The following IPMK variants were observed in gnomAD, a reference collection of about 807,000 sequenced individuals.
IPMK encodes inositol 1,3,4,6-tetrakisphosphate 5-kinase.
A neutral mutation model predicts 45.8 loss-of-function variants in IPMK; 17 were observed. The ratio of observed to expected loss-of-function variants is 0.37; its 90% CI spans 0.25 to 0.56. The LOEUF (loss-of-function observed/expected upper bound fraction) is 0.56, where lower values mean the gene tolerates loss of function less well. Ranked by LOEUF, IPMK falls within the 20% of genes least tolerant of loss-of-function variation. The pLI, the probability that IPMK is intolerant of heterozygous loss-of-function variation, is 0.79. For synonymous variants in IPMK, 180 were observed against 184.3 expected, an observed-to-expected ratio of 0.98 and a Z score of 0.19; for missense variants, 399 against 498.0, an observed-to-expected ratio of 0.80 and a Z score of 1.89.
rs1316309053 is a variant in IPMK, at chr10:58,233,237, G to A, written c.276+4492C>T. On this transcript the variant is annotated intron_variant, in intron 2 of 5. Coordinates refer to ENST00000373935, the MANE Select transcript of IPMK (RefSeq NM_152230.5). The stretch of plus-strand genomic sequence containing the variant: ...ATGGATTCACAGCCGAATTCTACCA[G>A]AAGTACAAAGAGGAGCTGGTACCAT... 3.9e-5 allele frequency among the ~76,000 whole-genome samples: 6 copies of A among 152,216 alleles called. No individual in the cohort carries two copies. The East Asian group carries it at 1.2e-3, about 29-fold the overall frequency.
At chr10:58,223,726 T>C (rs1838371658) in intron 3 of IPMK, among the ~76,000 whole-genome samples, 1 of 152,196 alleles carries the variant, frequency 6.6e-6, no homozygotes, top group Non-Finnish European at 1.5e-5. Flanking sequence ...AATCCCCATG[T>C]GCTGAGGGAG....
At chr10:58,227,587 A>C (rs1838438199) in intron 2 of IPMK, among the ~76,000 whole-genome samples, 1 of 152,180 alleles carries the variant, frequency 6.6e-6, no homozygotes, top group African/African-American at 2.4e-5. Context: ...TTTAACATTT[A>C]TCTGGTTCCC....
chr10:58,218,058 A>G (rs1838275545), intron 3 of IPMK, among the ~76,000 whole-genome samples: 1 of 152,202 alleles, frequency 6.6e-6, no homozygotes, highest in South Asian at 2.1e-4. Flanking sequence ...GACAAGAGAT[A>G]CTTTTTATGC....
At chr10:58,245,466 G>A (rs1459965059) in intron 1 of IPMK, among the ~76,000 whole-genome samples, 1 of 151,344 alleles carries the variant, frequency 6.6e-6, no homozygotes, top group Non-Finnish European at 1.5e-5. Context: ...ACAAAAATTA[G>A]CCAGGGGTGG....
chr10:58,203,596 A>G (rs1303051732), intron 4 of IPMK, among the ~76,000 whole-genome samples: 1 of 152,238 alleles, frequency 6.6e-6, no homozygotes, highest in Admixed American at 6.5e-5. Flanking sequence ...GATTACTGGC[A>G]TAAGCCACTG....
At chr10:58,267,396 G>A in intron 1 of IPMK, 26 bp downstream of exon 1, 6 of 1,610,670 alleles carry the variant, frequency 3.7e-6, no homozygotes, top group Non-Finnish European at 4.2e-6. Context: ...AAGGGGAGCG[G>A]CGAGACCTAT....
Position 58,202,747 on chromosome 10 carries a change from G to T in IPMK, c.547-3426C>A, listed in dbSNP as rs185991849. On this transcript the variant is annotated intron_variant, in intron 4 of 5. Transcript: ENST00000373935. ...ACATCTGTTTATAGCATGGTTTACTGAATATTTTCAGCCCACCATTGAGAA... is the reference window on the plus strand; with the variant it reads ...ACATCTGTTTATAGCATGGTTTACTTAATATTTTCAGCCCACCATTGAGAA... Among the ~76,000 whole-genome samples, 165 of 152,248 alleles carry T rather than the reference G, an allele frequency of 1.1e-3. 1 individual carries two copies. The highest frequency in any genetic ancestry group is 2.1e-3 in the Non-Finnish European group (145 of 68,018).
At chr10:58,263,829 T>A (rs569152831) in intron 1 of IPMK, among the ~76,000 whole-genome samples, 4 of 152,146 alleles carry the variant, frequency 2.6e-5, no homozygotes, top group Non-Finnish European at 5.9e-5. Context: ...CTGAATCCCA[T>A]CGTAAGGAAC....
chr10:58,210,854 G>A (rs1024732241), intron 4 of IPMK, among the ~76,000 whole-genome samples: 1 of 152,144 alleles, frequency 6.6e-6, no homozygotes, highest in Non-Finnish European at 1.5e-5. Flanking sequence ...CTGTGAATTC[G>A]TTTGGTTTTC....
intron 1 of IPMK, among the ~76,000 whole-genome samples, chr10:58,263,687 A>T (rs1167647813): frequency 6.6e-6 from 1 of 152,142 alleles, no homozygotes; most frequent in Non-Finnish European, 1.5e-5. Flanking sequence ...CTGTCTCAAA[A>T]AACAAACAAA....
At chr10:58,196,748 T>C in intron 5 of IPMK, 50 bp from the exon 6 acceptor site, 1 of 1,282,268 alleles carries the variant, frequency 7.8e-7, no homozygotes, top group Non-Finnish European at 1.1e-6. Flanking sequence ...AAATAACTAT[T>C]ATTTGGGAAG....
intron 4 of IPMK, among the ~76,000 whole-genome samples, chr10:58,199,887 T>G (rs2132142768): frequency 6.6e-6 from 1 of 152,200 alleles, no homozygotes; most frequent in African/African-American, 2.4e-5. Context: ...AAAATAAGCT[T>G]TCTAAACACA....
At chr10:58,243,037 A>C (rs1003393167) in intron 1 of IPMK, among the ~76,000 whole-genome samples, 1 of 152,154 alleles carries the variant, frequency 6.6e-6, no homozygotes, top group African/African-American at 2.4e-5. Context: ...CCTCCTCTAC[A>C]GTCTGTGGGA....
chr10:58,221,521 T>C (rs1365579231), intron 3 of IPMK, among the ~76,000 whole-genome samples: 1 of 152,082 alleles, frequency 6.6e-6, no homozygotes, highest in African/African-American at 2.4e-5. Flanking sequence ...CTAAGACTGA[T>C]CCAAAAAAAT....
chr10:58,267,450 G>C lies in IPMK; in HGVS notation c.162C>G (p.Ala54=), dbSNP rs143016236. 3 of 1,613,830 alleles carry C rather than the reference G, an allele frequency of 1.9e-6. No homozygotes were observed. Among genetic ancestry groups the C allele is most frequent in the Non-Finnish European group, 2.5e-6 (3 of 1,179,858 alleles). ...CTTTGTCCTTCCCGTACATGTGCCC[G>C]GCCACCTGATGCGAGAGGGGCACGC... ...NGCVPLSHQV[A]GHMYGKDKVG... Residue 54 remains alanine, a synonymous_variant, in exon 1 of 6, where the codon GCC becomes GCG. Transcript: ENST00000373935.
chr10:58,260,981 T>C (rs1014800951), intron 1 of IPMK, among the ~76,000 whole-genome samples: 3 of 151,832 alleles, frequency 2.0e-5, no homozygotes, highest in African/African-American at 7.3e-5. Flanking sequence ...AAATAGTAAG[T>C]GGGATGCATG....
At chr10:58,256,862 A>C (rs2132177866) in intron 1 of IPMK, among the ~76,000 whole-genome samples, 2 of 152,326 alleles carry the variant, frequency 1.3e-5, no homozygotes, top group East Asian at 3.9e-4. Flanking sequence ...AAGGAGTTCA[A>C]GACCAGCCTC....
chr10:58,196,247 G>A lies in IPMK; in HGVS notation c.1080C>T (p.Ser360=), dbSNP rs1837890921. 1.2e-6 allele frequency: 2 copies of A among 1,613,968 alleles called. No homozygotes were observed. Among genetic ancestry groups the A allele is most frequent in the South Asian group, 2.2e-5 (2 of 91,086 alleles). The change falls in exon 6 of 6, where the codon TCC becomes TCT. Residue 360 remains serine (S), a synonymous_variant. Transcript: ENST00000373935. ...SQEHLNGNVL[S]QLEKVFYHLP... ...GATGGTAGAAAACTTTTTCCAGTTG[G>A]GAAAGTACATTTCCATTTAAATGTT...
chr10:58,196,783 T>G, intron 5 of IPMK, 85 bp from the exon 6 acceptor site: 1 of 930,372 alleles, frequency 1.1e-6, no homozygotes, highest in Non-Finnish European at 1.6e-6. Context: ...AATTCTCCAA[T>G]ATTTTCCCCA....
Sources: allele counts gnomAD v4.1 joint callset (sites outside exome capture counted in the v4.1 genomes callset), GRCh38; gene constraint gnomAD v4.1.1; transcripts MANE v1.5; gene names NCBI Gene and HGNC (gene_info 2026-07-23, HGNC 2026-07-21).